NBPF12: variants seen among roughly 807,000 people sequenced by gnomAD.
NBPF12 encodes the protein NBPF family member NBPF12.
NBPF12 carries 115 observed loss-of-function variants against 146.4 expected under a neutral mutation model. That is an observed-to-expected ratio of 0.79 (90% CI 0.68 to 0.92). The LOEUF is 0.92. NBPF12 is among the 40% of genes least tolerant of loss of function. The pLI, the probability that NBPF12 is intolerant of heterozygous loss-of-function variation, is 0.00. For missense variants in NBPF12, 1,205 were observed against 1,326.8 expected (o/e 0.91, Z 1.43); for synonymous variants, 385 against 508.9 (o/e 0.76, Z 3.28).
intron 1 of NBPF12, among the ~76,000 whole-genome samples, chr1:146,939,709 TG>T (rs1654710185): frequency 6.6e-6 from 1 of 151,952 alleles, no homozygotes; most frequent in South Asian, 2.1e-4. Context: ...TCCTACCTTT[TG>T]CTGGTGGAGC....
In NBPF12 at chr1:146,994,614, C is replaced by T. The variant is rs1199252551; in HGVS notation, c.*39C>T. ...AGCCGAGAGGTTTCATTCCTGCAGGCAGGACCTATAGGCACCTGAAGATTT... is the reference window on the plus strand; with the variant it reads ...AGCCGAGAGGTTTCATTCCTGCAGGTAGGACCTATAGGCACCTGAAGATTT... On this transcript the variant is annotated 3_prime_UTR_variant, in exon 34 of 34. Transcript: ENST00000617844. 18 of 1,589,128 alleles carry T rather than the reference C, an allele frequency of 1.1e-5. 1 individual carries two copies. The highest frequency in any genetic ancestry group is 1.5e-5 in the Non-Finnish European group (17 of 1,167,508).
Position 146,994,392 on chromosome 1 carries a change from A to T in NBPF12, c.4191A>T (p.Arg1397Ser), listed in dbSNP as rs782260850. The stretch of plus-strand genomic sequence containing the variant: ...AAGTCTTGCAGGACTCACTGGATAG[A>T]TGTTATTCGACTCCATCAATGTACT... Residue 1397 changes from arginine (R) to serine (S), a missense_variant, in exon 34 of 34, where the codon AGA becomes AGT. Around this residue, in one of 16 missense-constraint regions of NBPF12, gnomAD observed 210 missense variants for 94.4 expected, o/e 2.22. Coordinates refer to ENST00000617844, the Ensembl canonical transcript of NBPF12. 8 of 1,612,222 alleles carry T rather than the reference A, an allele frequency of 5.0e-6. No homozygotes were observed. The African/African-American group carries it at 5.4e-5, about 11-fold the overall frequency.
At chr1:146,961,586 T>C (rs1202562607) in intron 4 of NBPF12, among the ~76,000 whole-genome samples, 1 of 149,838 alleles carries the variant, frequency 6.7e-6, no homozygotes, top group Non-Finnish European at 1.5e-5. Context: ...CTGCCTCTCA[T>C]ACTAATAAAG....
intron 19 of NBPF12, among the ~76,000 whole-genome samples, chr1:146,981,294 A>AAAAATAT (rs1162326884): frequency 2.5e-4 from 23 of 90,216 alleles, no homozygotes; most frequent in African/African-American, 1.1e-3. Context: ...AAAAAAAAAA[A>AAAAATAT]ATATATATAT....
intron 6 of NBPF12, 58 bp downstream of exon 9, chr1:146,963,367 C>G: frequency 6.3e-7 from 1 of 1,587,352 alleles, no homozygotes; most frequent in Non-Finnish European, 8.6e-7. Context: ...AGGCTCCAGA[C>G]CTCCATACTT....
chr1:146,964,508 A>C, intron 7 of NBPF12, 79 bp downstream of exon 10: 1 of 1,589,688 alleles, frequency 6.3e-7, no homozygotes, highest in East Asian at 2.2e-5. Context: ...TCTGGCATCT[A>C]TGGTGGGCCA....
chr1:146,950,839 T>G (rs1490642176), intron 1 of NBPF12, among the ~76,000 whole-genome samples: 1 of 152,100 alleles, frequency 6.6e-6, no homozygotes, highest in Non-Finnish European at 1.5e-5. Context: ...ATGTTTCCAG[T>G]TTTTCCTATT....
chr1:146,985,931 C>T (rs1657725705), intron 23 of NBPF12, among the ~76,000 whole-genome samples, 175 bp downstream of exon 26: 1 of 150,588 alleles, frequency 6.6e-6, no homozygotes, highest in Non-Finnish European at 1.5e-5. Flanking sequence ...TCTTCCTCCC[C>T]TTGTCATTTA....
chr1:146,951,657 CT>C (rs1343532855), intron 2 of NBPF12, among the ~76,000 whole-genome samples, 168 bp downstream of exon 5: 1 of 150,632 alleles, frequency 6.6e-6, no homozygotes, highest in African/African-American at 2.5e-5. Context: ...TCTAAACATT[CT>C]TTAGATAATA....
chr1:146,972,121 G>C (rs1656678754), intron 13 of NBPF12, among the ~76,000 whole-genome samples: 1 of 149,922 alleles, frequency 6.7e-6, no homozygotes, highest in Non-Finnish European at 1.5e-5. Context: ...TCTGACCAGG[G>C]GCGCTGGCTC....
At chr1:146,961,154 A>G (rs1316558263) in intron 4 of NBPF12, among the ~76,000 whole-genome samples, 1 of 152,096 alleles carries the variant, frequency 6.6e-6, no homozygotes, top group Non-Finnish European at 1.5e-5. Context: ...AAAAACAAAC[A>G]AACAAAAGGA....
intron 13 of NBPF12, among the ~76,000 whole-genome samples, chr1:146,972,447 C>A (rs1251148494): frequency 7.3e-5 from 11 of 151,382 alleles, no homozygotes; most frequent in East Asian, 1.9e-4. Flanking sequence ...AAAATGAAAT[C>A]TTTTGTGCTA....
At position 146,944,025 on chromosome 1, in the gene NBPF12, G is replaced by T. The variant is rs1478421095; in HGVS notation, c.-550+463G>T. ...GGTGGGGAGATGTGTGTGGTTTTAG[G>T]CAGTGCCCTCTAGGTGTGTCCAGGA... On this transcript the variant is annotated intron_variant, in intron 2 of 35. Transcript: ENST00000617931. 8.4e-4 allele frequency among the ~76,000 whole-genome samples: 98 copies of T among 116,696 alleles called. 1 individual carries two copies. Among genetic ancestry groups the T allele is most frequent in the African/African-American group, 3.2e-3 (92 of 28,542 alleles). 76.6% of individuals were successfully genotyped at this position (116,696 alleles called of 152,430 possible).
Position 146,965,049 on chromosome 1 carries a change from TG to T in NBPF12, c.724del (p.Val242Ter). The T allele has an allele frequency of 6.2e-7, 1 of 1,608,412 alleles. No individual in the cohort carries two copies. The highest frequency in any genetic ancestry group is 8.5e-7 in the Non-Finnish European group (1 of 1,178,624). On this transcript the variant is annotated frameshift_variant, in exon 8 of 34. Coordinates refer to ENST00000617844, the Ensembl canonical transcript of NBPF12. LOFTEE classifies it high-confidence loss of function. ...AAGACAAAGTCAACTCAACTGTGGT[TG>T]TAGACAGAAAATCCTCTCATGATGA...
At chr1:146,980,079 C>T (rs1160083733) in intron 19 of NBPF12, among the ~76,000 whole-genome samples, 148,654 of 149,692 alleles carry the variant, frequency 0.99, 73,816 homozygotes, top group Middle Eastern at 1. Flanking sequence ...TGGCCTTCTT[C>T]GTCTCTTTTG....
At chr1:146,952,318 T>C (rs1389654696) in intron 2 of NBPF12, among the ~76,000 whole-genome samples, 3 of 152,124 alleles carry the variant, frequency 2.0e-5, no homozygotes, top group Non-Finnish European at 4.4e-5. Flanking sequence ...TCTAGGGCCG[T>C]GTGGTCTGTG....
In NBPF12 at chr1:146,938,850, A is replaced by C. The variant is rs1484295168; in HGVS notation, c.-954A>C. 3 of 152,464 alleles carry C rather than the reference A, an allele frequency of 2.0e-5. 1 individual carries two copies. The highest frequency in any genetic ancestry group is 7.3e-5 in the African/African-American group (3 of 41,308). The allele number at this position is 152,464 out of a possible 1,614,324, so 9.4% of individuals were successfully genotyped here. Reference sequence around the variant, plus strand: ...GGTCGCGAGGCTGCCTGAGCTTCTGAGTGAGCCTGGTGATTTTGGGAACGC... The same window carrying C: ...GGTCGCGAGGCTGCCTGAGCTTCTGCGTGAGCCTGGTGATTTTGGGAACGC... On this transcript the variant is annotated 5_prime_UTR_variant, in exon 1 of 36. Transcript: ENST00000617931.
chr1:146,954,856 AG>A (rs1655496315), intron 2 of NBPF12, among the ~76,000 whole-genome samples: 1 of 144,234 alleles, frequency 6.9e-6, no homozygotes, highest in Non-Finnish European at 1.5e-5. Context: ...ATTGATTCTT[AG>A]GACATATATA....
exon 20 of NBPF12, chr1:146,983,021 A>T: frequency 6.2e-7 from 1 of 1,604,138 alleles, no homozygotes; most frequent in Admixed American, 1.7e-5. Flanking sequence ...GGTTGGCCTC[A>T]TACCAGTCTT....
Sources: gnomAD v4.1 joint callset for allele counts (sites outside exome capture counted in the v4.1 genomes callset) on GRCh38, gnomAD v4.1.1 for gene constraint, gnomAD v4.1.1 regional missense constraint, MANE v1.5 for transcripts, NCBI Gene and HGNC (gene_info 2026-07-23, HGNC 2026-07-21) for gene names.